RBFOX1: variants seen among roughly 807,000 people sequenced by gnomAD.
RBFOX1 encodes the protein RNA binding protein fox-1 homolog 1.
RBFOX1 carries 8 observed loss-of-function variants against 57.7 expected under a neutral mutation model. The observed-to-expected ratio is 0.14, with a 90% CI of 0.08 to 0.25. The LOEUF (loss-of-function observed/expected upper bound fraction) is 0.25. Among genes scored for constraint, RBFOX1 ranks in the 10% least tolerant of loss-of-function variants. The pLI, the probability that RBFOX1 is intolerant of heterozygous loss-of-function variation, is 1.00. For missense variants in RBFOX1, 611 were observed against 548.5 expected (o/e 1.11, Z -1.14); for synonymous variants, 326 against 222.4 (o/e 1.47, Z -4.15).
At chr16:5,285,693 A>G (rs2063376400) in intron 1 of RBFOX1, among the ~76,000 whole-genome samples, 1 of 152,192 alleles carries the variant, frequency 6.6e-6, no homozygotes, top group Non-Finnish European at 1.5e-5. Flanking sequence ...ACAGTGATAT[A>G]GTCTGCATAT....
chr16:7,241,565 G>C (rs963173554), intron 4 of RBFOX1, among the ~76,000 whole-genome samples: 2 of 152,150 alleles, frequency 1.3e-5, no homozygotes, highest in Admixed American at 6.5e-5. Flanking sequence ...AATTTTGTTT[G>C]GGTTGGGGCA....
chr16:6,902,177 C>G (rs1364618823), intron 3 of RBFOX1, among the ~76,000 whole-genome samples: 3 of 152,142 alleles, frequency 2.0e-5, no homozygotes, highest in Non-Finnish European at 4.4e-5. Context: ...ATTCATTGTT[C>G]TACCTCATGT....
At chr16:6,059,835 G>T (rs2095660637) in intron 1 of RBFOX1, among the ~76,000 whole-genome samples, 1 of 152,110 alleles carries the variant, frequency 6.6e-6, no homozygotes, top group Non-Finnish European at 1.5e-5. Flanking sequence ...AGAGCATTTA[G>T]CCATGATTCC....
At chr16:5,699,509 G>T (rs1373611719) in intron 3 of RBFOX1, among the ~76,000 whole-genome samples, 2 of 151,894 alleles carry the variant, frequency 1.3e-5, no homozygotes, top group African/African-American at 4.8e-5. Flanking sequence ...CCCCCAAGAG[G>T]ATGTTTTAGA....
intron 2 of RBFOX1, among the ~76,000 whole-genome samples, chr16:6,526,399 A>G (rs1423568493): frequency 1.3e-5 from 2 of 152,200 alleles, no homozygotes; most frequent in Admixed American, 6.5e-5. Context: ...CGAATCATCA[A>G]TCAAGAGATT....
At chr16:6,651,041 T>C (rs530780963) in intron 2 of RBFOX1, among the ~76,000 whole-genome samples, 132 of 152,280 alleles carry the variant, frequency 8.7e-4, no homozygotes, top group African/African-American at 2.8e-3. Flanking sequence ...TAGCTGGGAT[T>C]ACAGGCGTGC....
At chr16:7,382,480 G>T (rs75549426) in intron 4 of RBFOX1, among the ~76,000 whole-genome samples, 10,994 of 152,244 alleles carry the variant, frequency 0.072, 506 homozygotes, top group East Asian at 0.19. Flanking sequence ...TTGGTTTCTT[G>T]TTAGCGCTTA....
At position 6,751,026 on chromosome 16, in the gene RBFOX1, A is replaced by G. The variant is rs572071322; in HGVS notation, c.-16+96376A>G. Among the ~76,000 whole-genome samples the G allele has an allele frequency of 2.7e-4, 41 of 152,258 alleles. No homozygotes were observed. In the South Asian group the frequency reaches 8.5e-3, roughly 32 times the overall value. The stretch of plus-strand genomic sequence containing the variant: ...CATTAGAAACAGAAACAGCATGTTC[A>G]AGGGCCCTGATGTGGGAAAGAACTA... On this transcript the variant is annotated intron_variant, in intron 3 of 15. Coordinates refer to ENST00000550418, the MANE Select transcript of RBFOX1 (RefSeq NM_018723.4).
intron 2 of RBFOX1, among the ~76,000 whole-genome samples, chr16:5,578,988 C>T (rs1265157384): frequency 6.6e-6 from 1 of 151,874 alleles, no homozygotes; most frequent in Non-Finnish European, 1.5e-5. Context: ...GCTGGGACTA[C>T]AGGCTTGTAC....
chr16:5,976,202 C>T (rs191508333), intron 4 of RBFOX1, among the ~76,000 whole-genome samples: 40 of 151,992 alleles, frequency 2.6e-4, no homozygotes, highest in Admixed American at 5.2e-4. Context: ...TTTTCTAGCC[C>T]GCCACTTACC....
At position 5,768,936 on chromosome 16, in the gene RBFOX1, GA is replaced by G. The variant is rs887106603; in HGVS notation, c.319-98358del. Reference sequence around the variant, plus strand: ...ATTTAAGTGGTTTAGATTATCAGATGAAAAAAAAATAGGAAATCCAGGCAGT... The same window carrying G: ...ATTTAAGTGGTTTAGATTATCAGATGAAAAAAAATAGGAAATCCAGGCAGT... On this transcript the variant is annotated intron_variant, in intron 3 of 19. Transcript: ENST00000641259. Among the ~76,000 whole-genome samples, 8 of 150,414 alleles carry G rather than the reference GA, an allele frequency of 5.3e-5. No individual in the cohort carries two copies. The South Asian group carries it at 1.1e-3, about 20-fold the overall frequency.
At chr16:6,127,380 C>T (rs913109763) in intron 1 of RBFOX1, among the ~76,000 whole-genome samples, 11 of 151,338 alleles carry the variant, frequency 7.3e-5, no homozygotes, top group African/African-American at 2.4e-4. Flanking sequence ...TTAAAAATTG[C>T]TCTCTGTTCA....
At chr16:5,529,696 A>G (rs2044387342) in intron 2 of RBFOX1, among the ~76,000 whole-genome samples, 1 of 151,676 alleles carries the variant, frequency 6.6e-6, no homozygotes, top group Non-Finnish European at 1.5e-5. Flanking sequence ...CATCCCGATT[A>G]GCTGGGATTA....
intron 3 of RBFOX1, among the ~76,000 whole-genome samples, chr16:7,049,229 C>A (rs568506817): frequency 2.6e-5 from 4 of 152,040 alleles, no homozygotes; most frequent in Admixed American, 6.6e-5. Flanking sequence ...TTTCTGTTCA[C>A]CTGCTTCTCA....
At chr16:7,662,538 G>T (rs1172061501) in intron 12 of RBFOX1, among the ~76,000 whole-genome samples, 1 of 152,174 alleles carries the variant, frequency 6.6e-6, no homozygotes, top group Non-Finnish European at 1.5e-5. Flanking sequence ...TAGGTAACAA[G>T]CAGTGTGTCA....
chr16:6,935,386 A>G (rs781330028), intron 3 of RBFOX1, among the ~76,000 whole-genome samples: 16 of 152,182 alleles, frequency 1.1e-4, no homozygotes, highest in Non-Finnish European at 2.1e-4. Flanking sequence ...AGCAGACACA[A>G]TACCATGTGA....
intron 4 of RBFOX1, among the ~76,000 whole-genome samples, chr16:7,502,834 C>T (rs185905542): frequency 7.2e-5 from 11 of 151,988 alleles, no homozygotes; most frequent in Admixed American, 3.9e-4. Flanking sequence ...ACCAGCCTGG[C>T]CAACATGGTG....
At chr16:6,184,321 A>G (rs1007608550) in intron 1 of RBFOX1, among the ~76,000 whole-genome samples, 1 of 152,122 alleles carries the variant, frequency 6.6e-6, no homozygotes, top group African/African-American at 2.4e-5. Flanking sequence ...TAAAATAAAT[A>G]CTCTGGCTGC....
intron 1 of RBFOX1, among the ~76,000 whole-genome samples, chr16:5,261,554 T>TG (rs1290014038): frequency 6.7e-6 from 1 of 149,582 alleles, no homozygotes; most frequent in Non-Finnish European, 1.5e-5. Context: ...GTATGGTTTT[T>TG]TTTTTTTTTT....
Sources: gnomAD v4.1 joint callset for allele counts (sites outside exome capture counted in the v4.1 genomes callset) on GRCh38, gnomAD v4.1.1 for gene constraint, MANE v1.5 for transcripts, NCBI Gene and HGNC (gene_info 2026-07-23, HGNC 2026-07-21) for gene names.